The following KCNQ5 variants were observed in gnomAD, a reference collection of about 807,000 sequenced individuals.
KCNQ5 encodes potassium voltage-gated channel subfamily Q member 5.
A neutral mutation model predicts 98.2 loss-of-function variants in KCNQ5; 30 were observed. That is an observed-to-expected ratio of 0.31 (90% CI 0.23 to 0.41). The LOEUF is 0.41. Among genes scored for constraint, KCNQ5 ranks in the 10% least tolerant of loss-of-function variants. The pLI is 1.00. For missense variants in KCNQ5, 835 were observed against 1,182.5 expected, an observed-to-expected ratio of 0.71 and a Z score of 4.31; for synonymous variants, 458 against 449.4, an observed-to-expected ratio of 1.02 and a Z score of -0.24.
At chr6:73,060,890 AG>A (rs1054353337) in intron 3 of KCNQ5, among the ~76,000 whole-genome samples, 12 of 152,184 alleles carry the variant, frequency 7.9e-5, no homozygotes, top group African/African-American at 2.7e-4. Context: ...GCAAGGAAAT[AG>A]GCACTCACAT....
chr6:72,702,362 A>G (rs992827579), intron 1 of KCNQ5, among the ~76,000 whole-genome samples: 1 of 152,206 alleles, frequency 6.6e-6, no homozygotes, highest in African/African-American at 2.4e-5. Flanking sequence ...CATGTGGCTC[A>G]AGGGAAATAA....
chr6:73,025,403 C>T (rs1442461581), intron 2 of KCNQ5, among the ~76,000 whole-genome samples: 1 of 152,096 alleles, frequency 6.6e-6, no homozygotes, highest in African/African-American at 2.4e-5. Context: ...GGGCGGATCA[C>T]CTGAAGTCAG....
intron 1 of KCNQ5, among the ~76,000 whole-genome samples, chr6:72,707,057 T>C (rs1769126705): frequency 6.6e-6 from 1 of 152,218 alleles, no homozygotes; most frequent in Admixed American, 6.5e-5. Context: ...TGAGTGTGTG[T>C]ATATGTGTAT....
intron 5 of KCNQ5, among the ~76,000 whole-genome samples, chr6:73,079,561 A>G (rs2150393604): frequency 6.6e-6 from 1 of 152,334 alleles, no homozygotes; most frequent in South Asian, 2.1e-4. Flanking sequence ...GCAGCAATAA[A>G]ATGAATAAAA....
At chr6:72,928,233 T>TTA (rs1239438157) in intron 1 of KCNQ5, among the ~76,000 whole-genome samples, 1 of 152,060 alleles carries the variant, frequency 6.6e-6, no homozygotes, top group East Asian at 1.9e-4. Flanking sequence ...GCTAAATCAG[T>TTA]AATATGACTT....
At chr6:72,960,614 G>A (rs1377773241) in intron 1 of KCNQ5, among the ~76,000 whole-genome samples, 2 of 152,094 alleles carry the variant, frequency 1.3e-5, no homozygotes, top group Non-Finnish European at 2.9e-5. Flanking sequence ...TTTTAGTAGA[G>A]ACGGTGTTTC....
intron 1 of KCNQ5, among the ~76,000 whole-genome samples, chr6:72,933,616 T>C (rs1461128531): frequency 6.6e-6 from 1 of 152,222 alleles, no homozygotes; most frequent in Non-Finnish European, 1.5e-5. Context: ...CCATTACTTA[T>C]CTTCCACTCC....
chr6:73,092,851 G>C (rs1006526153), intron 5 of KCNQ5, among the ~76,000 whole-genome samples: 7 of 152,092 alleles, frequency 4.6e-5, no homozygotes, highest in Admixed American at 4.6e-4. Context: ...ATGTTCATCA[G>C]GGATATTGGT....
intron 1 of KCNQ5, among the ~76,000 whole-genome samples, chr6:72,880,228 C>T (rs1388171783): frequency 6.6e-6 from 1 of 152,180 alleles, no homozygotes; most frequent in Non-Finnish European, 1.5e-5. Flanking sequence ...TTATAAACAA[C>T]AGAAATTTAT....
chr6:73,055,921 C>A, intron 3 of KCNQ5: 1 of 493,992 alleles, frequency 2.0e-6, no homozygotes, highest in South Asian at 1.8e-5. Context: ...CTGAACATGT[C>A]ACACTGACCA....
Position 72,660,612 on chromosome 6 carries a change from G to A in KCNQ5, c.398+38025G>A, listed in dbSNP as rs941933523. ...GGTCCCAGCAGCATTTCAGTGTCCC[G>A]GAGCAACTCCTACTAAGTTTTAAAG... On this transcript the variant is annotated intron_variant, in intron 1 of 13. Transcript: ENST00000370398. Among the ~76,000 whole-genome samples, 7 of 152,036 alleles carry A rather than the reference G, an allele frequency of 4.6e-5. No individual in the cohort carries two copies. The South Asian group carries it at 6.2e-4, about 14-fold the overall frequency.
intron 11 of KCNQ5, among the ~76,000 whole-genome samples, chr6:73,183,802 C>T (rs1247658435): frequency 6.6e-6 from 1 of 152,096 alleles, no homozygotes; most frequent in Non-Finnish European, 1.5e-5. Flanking sequence ...AGTTATGTGA[C>T]CCCACTGACC....
At chr6:73,159,408 G>A (rs978181302) in intron 10 of KCNQ5, among the ~76,000 whole-genome samples, 2 of 152,104 alleles carry the variant, frequency 1.3e-5, no homozygotes, top group African/African-American at 4.8e-5. Context: ...GTTCCTGGGT[G>A]ATTAAATAAT....
At chr6:73,083,634 T>C (rs1043275260) in intron 5 of KCNQ5, among the ~76,000 whole-genome samples, 1 of 152,210 alleles carries the variant, frequency 6.6e-6, no homozygotes, top group Non-Finnish European at 1.5e-5. Flanking sequence ...TAAAATAAAA[T>C]ATGCAGCATA....
intron 1 of KCNQ5, among the ~76,000 whole-genome samples, chr6:72,673,594 A>G (rs1767250082): frequency 1.3e-5 from 2 of 151,986 alleles, no homozygotes; most frequent in African/African-American, 4.8e-5. Context: ...AGGCAAAGGC[A>G]GTGACCCATG....
At chr6:72,773,400 G>A (rs774286106) in intron 1 of KCNQ5, among the ~76,000 whole-genome samples, 2 of 152,084 alleles carry the variant, frequency 1.3e-5, no homozygotes, top group African/African-American at 2.4e-5. Flanking sequence ...GGAGTTGAGC[G>A]ATGAGAACAC....
rs144305884 is a variant in KCNQ5 at position 72,704,456 on chromosome 6, A to C, written c.398+81869A>C. 2.4e-4 allele frequency among the ~76,000 whole-genome samples: 37 copies of C among 152,128 alleles called. No homozygotes were observed. In the East Asian group the frequency reaches 7.1e-3, roughly 29 times the overall value. ...CCTGGTGAGAACCCTGCAGGACTGC[A>C]TGCAGAGGTACTCAGTAAGTTAATT... On this transcript the variant is annotated intron_variant, in intron 1 of 13. Coordinates refer to ENST00000370398, the MANE Select transcript of KCNQ5 (RefSeq NM_019842.4).
intron 11 of KCNQ5, among the ~76,000 whole-genome samples, chr6:73,185,000 G>A (rs1778520962): frequency 2.0e-5 from 3 of 152,188 alleles, no homozygotes; most frequent in Admixed American, 1.3e-4. Context: ...TAAACTCTGG[G>A]CCAAGTTTTG....
At chr6:73,159,302 C>T (rs1271007576) in intron 10 of KCNQ5, among the ~76,000 whole-genome samples, 1 of 152,096 alleles carries the variant, frequency 6.6e-6, no homozygotes, top group African/African-American at 2.4e-5. Flanking sequence ...ATGAGGAGAA[C>T]ACATGGACAC....
Sources: allele counts gnomAD v4.1 joint callset (sites outside exome capture counted in the v4.1 genomes callset), GRCh38; gene constraint gnomAD v4.1.1; transcripts MANE v1.5; gene names NCBI Gene and HGNC (gene_info 2026-07-23, HGNC 2026-07-21).